The following EXOC6B variants were observed in gnomAD, a reference collection of about 807,000 sequenced individuals.
EXOC6B encodes SEC15 homolog B.
A neutral mutation model predicts 113.5 loss-of-function variants in EXOC6B; 54 were observed. The ratio of observed to expected loss-of-function variants is 0.48; its 90% CI spans 0.38 to 0.60. The LOEUF (loss-of-function observed/expected upper bound fraction) is 0.60, where lower values mean the gene tolerates loss of function less well. EXOC6B is among the 20% of genes least tolerant of loss of function. EXOC6B has a pLI of 0.00. For synonymous variants in EXOC6B, 357 were observed against 339.0 expected (o/e 1.05, Z -0.58); for missense variants, 797 against 977.5 (o/e 0.82, Z 2.46).
At chr2:72,411,651 A>G (rs1694197347) in intron 18 of EXOC6B, among the ~76,000 whole-genome samples, 1 of 152,230 alleles carries the variant, frequency 6.6e-6, no homozygotes, top group African/African-American at 2.4e-5. Context: ...CACATGTAGT[A>G]TGTGAATGCC....
intron 19 of EXOC6B, among the ~76,000 whole-genome samples, chr2:72,343,799 C>T (rs1689166311): frequency 1.3e-5 from 2 of 151,854 alleles, no homozygotes; most frequent in African/African-American, 4.8e-5. Flanking sequence ...AATATATTGG[C>T]TTACTGTGTC....
intron 11 of EXOC6B, among the ~76,000 whole-genome samples, chr2:72,502,522 C>T (rs528851019): frequency 6.6e-5 from 10 of 152,056 alleles, no homozygotes; most frequent in Admixed American, 4.6e-4. Flanking sequence ...CACCCCACCC[C>T]GGGCAACAAA....
At chr2:72,237,111 C>T (rs901723378) in intron 20 of EXOC6B, among the ~76,000 whole-genome samples, 1 of 152,102 alleles carries the variant, frequency 6.6e-6, no homozygotes, top group Admixed American at 6.6e-5. Flanking sequence ...CAGGTAGAGG[C>T]CCTTAGGTAG....
At position 72,515,119 on chromosome 2, in the gene EXOC6B, C is replaced by T. The variant is rs749620876; in HGVS notation, c.923G>A (p.Arg308Gln). 12 of 1,600,370 alleles carry T rather than the reference C, an allele frequency of 7.5e-6. No individual in the cohort carries two copies. Among genetic ancestry groups the T allele is most frequent in the Admixed American group, 6.9e-5 (4 of 58,310 alleles). The change falls in exon 9 of 22, where the codon CGG becomes CAG. Residue 308 changes from arginine (R) to glutamine (Q), a missense_variant. Physicochemically the swap from Arg to Gln is conservative, Grantham distance 43. Transcript: ENST00000272427. Reference protein sequence around the residue: ...CLHIYSVLGARETFENYYRKQ... With the variant: ...CLHIYSVLGAQETFENYYRKQ... The stretch of plus-strand genomic sequence containing the variant: ...TCGGTAGTAATTCTCAAATGTTTCC[C>T]GGGCACCCTGTAAATAAAGAAAAGA...
intron 6 of EXOC6B, among the ~76,000 whole-genome samples, chr2:72,595,066 C>G (rs890214100): frequency 6.6e-6 from 1 of 151,958 alleles, no homozygotes; most frequent in African/African-American, 2.4e-5. Context: ...CAAGACCAAC[C>G]TGACCAACAT....
chr2:72,295,196 A>T (rs2104729790), intron 20 of EXOC6B, among the ~76,000 whole-genome samples: 1 of 144,246 alleles, frequency 6.9e-6, no homozygotes, highest in South Asian at 2.2e-4. Flanking sequence ...GCACCACTAC[A>T]CTCCAGCCTG....
chr2:72,603,310 C>A (rs768141567), intron 6 of EXOC6B, among the ~76,000 whole-genome samples: 2 of 151,980 alleles, frequency 1.3e-5, no homozygotes, highest in African/African-American at 4.8e-5. Context: ...GATGGAAGTA[C>A]CGTAAACACT....
chr2:72,518,789 T>C (rs769045287), intron 8 of EXOC6B, among the ~76,000 whole-genome samples: 3 of 152,150 alleles, frequency 2.0e-5, no homozygotes, highest in Non-Finnish European at 4.4e-5. Flanking sequence ...ATTTGTACTG[T>C]AGCGACCATA....
chr2:72,595,274 TAG>T (rs1670001987), intron 6 of EXOC6B, among the ~76,000 whole-genome samples: 1 of 145,708 alleles, frequency 6.9e-6, no homozygotes, highest in African/African-American at 2.5e-5. Context: ...TATATATATA[TAG>T]ATATATAGAT....
chr2:72,306,586 C>T (rs1353540010), intron 20 of EXOC6B, among the ~76,000 whole-genome samples: 1 of 152,138 alleles, frequency 6.6e-6, no homozygotes, highest in Non-Finnish European at 1.5e-5. Flanking sequence ...AACGGTGCAG[C>T]TACAAACATC....
intron 6 of EXOC6B, among the ~76,000 whole-genome samples, chr2:72,687,177 A>G (rs1272983837): frequency 6.6e-6 from 1 of 151,808 alleles, no homozygotes; most frequent in Non-Finnish European, 1.5e-5. Flanking sequence ...CCAACTTCCC[A>G]ACTTTCATTC....
intron 20 of EXOC6B, among the ~76,000 whole-genome samples, chr2:72,284,702 A>G (rs1385275203): frequency 1.3e-5 from 2 of 152,046 alleles, no homozygotes; most frequent in Non-Finnish European, 2.9e-5. Context: ...TTTCTTTTGT[A>G]GAAGACATGA....
chr2:72,452,953 C>A (rs900359279), intron 18 of EXOC6B, among the ~76,000 whole-genome samples: 1 of 152,136 alleles, frequency 6.6e-6, no homozygotes, highest in Non-Finnish European at 1.5e-5. Context: ...CTAATCACAA[C>A]CATGCTTCTC....
chr2:72,566,992 A>C (rs1195003931), intron 7 of EXOC6B, among the ~76,000 whole-genome samples: 1 of 152,106 alleles, frequency 6.6e-6, no homozygotes, highest in Non-Finnish European at 1.5e-5. Flanking sequence ...AAAAACTAAC[A>C]ACACTCATTA....
At chr2:72,437,386 C>A (rs1266032359) in intron 18 of EXOC6B, among the ~76,000 whole-genome samples, 3 of 152,238 alleles carry the variant, frequency 2.0e-5, no homozygotes, top group African/African-American at 7.2e-5. Context: ...CAGGGACCCA[C>A]TTGAGGAGGC....
At chr2:72,298,889 T>G (rs1686319989) in intron 20 of EXOC6B, among the ~76,000 whole-genome samples, 1 of 152,184 alleles carries the variant, frequency 6.6e-6, no homozygotes, top group African/African-American at 2.4e-5. Flanking sequence ...GTGGGTAACC[T>G]GATTGTTCTC....
intron 1 of EXOC6B, among the ~76,000 whole-genome samples, chr2:72,764,575 C>G (rs145823054): frequency 1.3e-5 from 2 of 151,678 alleles, no homozygotes; most frequent in South Asian, 2.1e-4. Context: ...CACTATGTTA[C>G]GCAGGTTGGT....
chr2:72,442,330 C>CG (rs1421529198), intron 18 of EXOC6B, among the ~76,000 whole-genome samples: 2 of 152,046 alleles, frequency 1.3e-5, no homozygotes, highest in African/African-American at 4.8e-5. Context: ...CATTCCCCCC[C>CG]GCAAAAAATG....
intron 19 of EXOC6B, among the ~76,000 whole-genome samples, chr2:72,362,810 AGC>A (rs1470256153): frequency 1.3e-5 from 2 of 152,134 alleles, no homozygotes; most frequent in African/African-American, 4.8e-5. Flanking sequence ...TCTTAACTCC[AGC>A]CTCCAACCAT....
Sources: allele counts gnomAD v4.1 joint callset (sites outside exome capture counted in the v4.1 genomes callset), GRCh38; gene constraint gnomAD v4.1.1; transcripts MANE v1.5; gene names NCBI Gene and HGNC (gene_info 2026-07-23, HGNC 2026-07-21).